LOC400499: variants seen among roughly 807,000 people sequenced by gnomAD.
chr16:11,450,559 A>G, the LOC400499 span: 1 of 1,511,584 alleles, frequency 6.6e-7, no homozygotes, highest in Non-Finnish European at 8.9e-7. Context: ...CCAGAAAAAG[A>G]TCTCAGTGGC....
At chr16:11,515,980 G>C in the LOC400499 span, 1 of 399,758 alleles carries the variant, frequency 2.5e-6, no homozygotes, top group Admixed American at 4.4e-5. Flanking sequence ...CCCTGCGCAG[G>C]GAGCACCGTG....
the LOC400499 span, among the ~76,000 whole-genome samples, chr16:11,381,977 C>G: frequency 6.7e-6 from 1 of 149,926 alleles, no homozygotes; most frequent in Non-Finnish European, 1.5e-5. Flanking sequence ...GAGTCTTGCT[C>G]TGTTGTTCAG....
chr16:11,394,471 G>A, the LOC400499 span, among the ~76,000 whole-genome samples: 928 of 152,368 alleles, frequency 6.1e-3, 5 homozygotes, highest in Admixed American at 0.015. Context: ...AAATGATACA[G>A]AACAATGGTT....
the LOC400499 span, among the ~76,000 whole-genome samples, chr16:11,484,466 A>G: frequency 6.6e-6 from 1 of 152,094 alleles, no homozygotes; most frequent in African/African-American, 2.4e-5. Context: ...TGTCAATTAG[A>G]CCTCAATAAA....
At chr16:11,455,039 G>T in the LOC400499 span, among the ~76,000 whole-genome samples, 4 of 152,206 alleles carry the variant, frequency 2.6e-5, no homozygotes, top group South Asian at 8.3e-4. Context: ...CTGGAAAAAA[G>T]TTTTGCAATG....
At chr16:11,508,827 C>T in the LOC400499 span, 2 of 399,060 alleles carry the variant, frequency 5.0e-6, no homozygotes, top group Admixed American at 8.8e-5. Context: ...TGCTTGGGGT[C>T]ATGTCTTCAT....
chr16:11,457,593 A>G, the LOC400499 span, among the ~76,000 whole-genome samples: 4,638 of 61,386 alleles, frequency 0.076, 173 homozygotes, highest in African/African-American at 0.22. Flanking sequence ...CTCCATCTCA[A>G]AAAAAAAAAA....
At chr16:11,476,659 C>T in the LOC400499 span, 16 of 398,356 alleles carry the variant, frequency 4.0e-5, no homozygotes, top group South Asian at 2.7e-4. Flanking sequence ...CACACGCAGA[C>T]GTGATCACAC....
chr16:11,452,691 C>G, the LOC400499 span, among the ~76,000 whole-genome samples: 1 of 152,228 alleles, frequency 6.6e-6, no homozygotes, highest in African/African-American at 2.4e-5. Flanking sequence ...AGGGCCAGGG[C>G]TGGCTCCTGG....
At chr16:11,480,657 C>T in the LOC400499 span, among the ~76,000 whole-genome samples, 1 of 152,096 alleles carries the variant, frequency 6.6e-6, no homozygotes, top group Non-Finnish European at 1.5e-5. Context: ...GATATATACA[C>T]CCTAAGACTA....
the LOC400499 span, chr16:11,450,832 AAAG>A: frequency 1.3e-4 from 196 of 1,522,498 alleles, no homozygotes; most frequent in African/African-American, 2.0e-3. Flanking sequence ...TGCAAGCAAC[AAAG>A]AAGGAGAATC....
chr16:11,448,930 G>A, the LOC400499 span: 4 of 1,481,776 alleles, frequency 2.7e-6, no homozygotes, highest in Non-Finnish European at 3.6e-6. Flanking sequence ...CACTCCAGGT[G>A]CCTGTAGGCC....
At chr16:11,401,643 G>A in the LOC400499 span, among the ~76,000 whole-genome samples, 7 of 152,336 alleles carry the variant, frequency 4.6e-5, no homozygotes, top group East Asian at 1.9e-4. Context: ...GGGACTGGAG[G>A]TCGCGCTCCT....
chr16:11,404,830 C>T, the LOC400499 span: 7 of 398,994 alleles, frequency 1.8e-5, no homozygotes, highest in Admixed American at 4.4e-5. Flanking sequence ...CGCTCGTATG[C>T]GGTCTGCAGG....
the LOC400499 span, chr16:11,475,492 G>C: frequency 2.5e-6 from 1 of 395,586 alleles, no homozygotes; most frequent in Admixed American, 4.4e-5. Context: ...ACCTGTCTCA[G>C]ATACTTTTTG....
At chr16:11,431,173 T>C in the LOC400499 span, 1 of 399,060 alleles carries the variant, frequency 2.5e-6, no homozygotes, top group Non-Finnish European at 4.4e-6. Flanking sequence ...CTCAGATGCC[T>C]TGAGGAGCAA....
At chr16:11,515,275 A>G in the LOC400499 span, among the ~76,000 whole-genome samples, 7 of 152,032 alleles carry the variant, frequency 4.6e-5, no homozygotes, top group South Asian at 8.3e-4. Context: ...GCAAGACACC[A>G]TCTCTACTAA....
At chr16:11,476,707 C>T in the LOC400499 span, 62 of 399,428 alleles carry the variant, frequency 1.6e-4, no homozygotes, top group Non-Finnish European at 2.6e-4. Context: ...CACCACACAC[C>T]TGCTCACCTG....
chr16:11,485,584 C>T, the LOC400499 span, among the ~76,000 whole-genome samples: 2 of 152,212 alleles, frequency 1.3e-5, no homozygotes, highest in East Asian at 1.9e-4. Flanking sequence ...CCTCTCTTCA[C>T]CTATCCTTTC....
Sources: allele counts gnomAD v4.1 joint callset (sites outside exome capture counted in the v4.1 genomes callset), GRCh38; gene constraint gnomAD v4.1.1; transcripts MANE v1.5.